Variants in AGAP3 observed in about 807,000 individuals in gnomAD.
AGAP3 encodes the protein arf-GAP with GTPase, ANK repeat and PH domain-containing protein 3.
Under a neutral mutation model 96.9 loss-of-function variants are expected in AGAP3, and 24 were observed. That is an observed-to-expected ratio of 0.25 (90% confidence interval 0.18 to 0.35). The LOEUF (loss-of-function observed/expected upper bound fraction) is 0.35. Among genes scored for constraint, AGAP3 ranks in the 10% least tolerant of loss-of-function variants. The pLI is 1.00. For synonymous variants in AGAP3, 563 were observed against 536.1 expected, an observed-to-expected ratio of 1.05 and a Z score of -0.69; for missense variants, 876 against 1,254.2, an observed-to-expected ratio of 0.70 and a Z score of 4.55.
At chr7:151,122,219 G>T (rs964379464) in intron 8 of AGAP3, among the ~76,000 whole-genome samples, 3 of 152,224 alleles carry the variant, frequency 2.0e-5, no homozygotes, top group African/African-American at 7.2e-5. Flanking sequence ...GAGGGCTGTG[G>T]CGGTCTGGGC....
At position 151,115,108 on chromosome 7, in the gene AGAP3, G is replaced by A. The variant is rs1422324606; in HGVS notation, c.332-1685G>A. The A allele has an allele frequency of 1.3e-5, 13 of 1,031,204 alleles. No homozygotes were observed. The Admixed American group carries it at 4.6e-4, about 36-fold the overall frequency. 63.9% of individuals were successfully genotyped at this position (1,031,204 alleles called of 1,614,324 possible). On this transcript the variant is annotated intron_variant, in intron 1 of 17. Transcript: ENST00000397238. ...AGCCCCGCGCCGACCCGGCGCAGCC[G>A]CACCCGCGGGGAGCCGACTCCGCGG...
Position 151,128,333 on chromosome 7 carries a change from C to T in AGAP3, c.1222-247C>T, listed in dbSNP as rs146597994. The T allele has an allele frequency of 9.9e-4, 492 of 498,108 alleles. 2 individuals carry two copies. Among genetic ancestry groups the T allele is most frequent in the African/African-American group, 8.6e-3 (446 of 51,750 alleles). The allele number at this position is 498,108 out of a possible 1,614,324, so 30.9% of individuals were successfully genotyped here. On this transcript the variant is annotated intron_variant, in intron 9 of 17. Transcript: ENST00000397238. ...GGCTCCACACACTGGGGAGGGAAGA[C>T]GCCCACCTGCCGGAACAGCGGTCCA...
chr7:151,106,837 C>CT, intron 1 of AGAP3, among the ~76,000 whole-genome samples: 1 of 152,230 alleles, frequency 6.6e-6, no homozygotes, highest in Middle Eastern at 3.4e-3. Context: ...CTCAGCCTGT[C>CT]TGAATCTTTT....
intron 8 of AGAP3, chr7:151,120,929 C>T (rs1172905800): frequency 1.1e-6 from 1 of 950,838 alleles, no homozygotes; most frequent in Admixed American, 5.4e-5. Flanking sequence ...TCCAGCCGGG[C>T]TTGGCTGGAT....
intron 1 of AGAP3, among the ~76,000 whole-genome samples, chr7:151,109,037 T>C (rs113776049): frequency 0.042 from 6,397 of 152,036 alleles, 236 homozygotes; most frequent in African/African-American, 0.089. Context: ...ACAACCTAAG[T>C]CTGTTCCTAG....
rs1798152518 is a variant in AGAP3, at chr7:151,086,587, C to T, written c.-155C>T. On this transcript the variant is annotated 5_prime_UTR_variant, in exon 1 of 18. Coordinates refer to ENST00000397238, the MANE Select transcript of AGAP3 (RefSeq NM_031946.7). ...GCCTCCTGGCCTCGGCCTCCGGCCC[C>T]CGGCCCCCGGCTCCATGCGCTAGCC... Among the ~76,000 whole-genome samples, 2 of 146,974 alleles carry T rather than the reference C, an allele frequency of 1.4e-5. No individual in the cohort carries two copies. Among genetic ancestry groups the T allele is most frequent in the Admixed American group, 1.4e-4 (2 of 14,768 alleles).
rs558303641 is a variant in AGAP3, at chr7:151,120,420, C to T, written c.1128+275C>T. ...CTGCCGCACACACTCACCCTCCCCG[C>T]CGCCTTCCTCTCTCCTAGGCCCCTT... On this transcript the variant is annotated intron_variant, in intron 8 of 17. Transcript: ENST00000397238. 238 of 674,454 alleles carry T rather than the reference C, an allele frequency of 3.5e-4. No individual in the cohort carries two copies. The East Asian group carries it at 6.4e-3, about 18-fold the overall frequency. 41.8% of individuals were successfully genotyped at this position (674,454 alleles called of 1,614,324 possible). A position where few individuals can be genotyped will look rare whatever the true frequency, so the allele number is the denominator to read the frequency against.
intron 9 of AGAP3, among the ~76,000 whole-genome samples, chr7:151,126,945 C>T (rs1404830815): frequency 6.6e-6 from 1 of 152,218 alleles, no homozygotes; most frequent in Non-Finnish European, 1.5e-5. Flanking sequence ...GCACCTCCAG[C>T]AATGGCATTT....
chr7:151,090,115 A>G lies in AGAP3; in HGVS notation c.331+3043A>G, dbSNP rs1327278088. On this transcript the variant is annotated intron_variant, in intron 1 of 17. Coordinates refer to ENST00000397238, the MANE Select transcript of AGAP3 (RefSeq NM_031946.7). ...TGTACCAAGCTAGCCAGGAGCCCCA[A>G]AGGAGCCCGGGATCTTTCCAGGACC... 6 of 152,224 alleles carry G rather than the reference A, an allele frequency of 3.9e-5. No homozygotes were observed. The South Asian group carries it at 6.2e-4, about 16-fold the overall frequency. The allele number at this position is 152,224 out of a possible 1,614,324, so 9.4% of individuals were successfully genotyped here. A position where few individuals can be genotyped will look rare whatever the true frequency, so the allele number is the denominator to read the frequency against.
At chr7:151,087,344 T>G (rs946244950) in intron 1 of AGAP3, 41 of 451,196 alleles carry the variant, frequency 9.1e-5, no homozygotes, top group African/African-American at 2.8e-4. Flanking sequence ...ACCAGATCTG[T>G]CCAGGCCTGG....
rs1800658656 is a variant in AGAP3, at chr7:151,137,789, G to A, written c.1496-354G>A. ...ATGTGGACTAGAATGGAGGGTGCAG[G>A]GGCCCAAGCCAGGAGGGGCCCCTCA... is the stretch of plus-strand genomic sequence containing the variant. On this transcript the variant is annotated intron_variant, in intron 11 of 17. Transcript: ENST00000397238. 5 of 334,500 alleles carry A rather than the reference G, an allele frequency of 1.5e-5. No individual in the cohort carries two copies. The Admixed American group carries it at 1.9e-4, about 12-fold the overall frequency. The allele number at this position is 334,500 out of a possible 1,614,324, so 20.7% of individuals were successfully genotyped here.
Position 151,140,220 on chromosome 7 carries a change from A to C in AGAP3, c.1804+104A>C. On this transcript the variant is annotated intron_variant, in intron 13 of 17. Transcript: ENST00000397238. The surrounding 1 kb of genome is among the most constrained non-coding windows in gnomAD (Gnocchi z 5.4). The stretch of plus-strand genomic sequence containing the variant: ...ATTTTTTATTTTTTGTATTCAGTGG[A>C]TTAAGCACTTTCTAGTAGTTGCTAA... The C allele has an allele frequency of 1.6e-6, 2 of 1,269,332 alleles. No homozygotes were observed. The highest frequency in any genetic ancestry group is 2.0e-6 in the Non-Finnish European group (2 of 989,816). The allele number at this position is 1,269,332 out of a possible 1,614,324, so 78.6% of individuals were successfully genotyped here.
At position 151,140,060 on chromosome 7, in the gene AGAP3, G is replaced by C; in HGVS notation, c.1748G>C (p.Arg583Pro). 1 of 1,606,062 alleles carries C rather than the reference G, an allele frequency of 6.2e-7. No homozygotes were observed. The highest frequency in any genetic ancestry group is 8.5e-7 in the Non-Finnish European group (1 of 1,176,696). ...CCCCACTCCAACCGGAAGAAGCACCGGAGGAAAAAGAGCACCGGGACCCCC... is the reference window on the plus strand; with the variant it reads ...CCCCACTCCAACCGGAAGAAGCACCCGAGGAAAAAGAGCACCGGGACCCCC... ...PSPHSNRKKHRRKKSTGTPRP... is the reference protein window; with the variant it reads ...PSPHSNRKKHPRKKSTGTPRP... The change falls in exon 13 of 18, where the codon CGG becomes CCG. Residue 583 changes from arginine (R) to proline (P), a missense_variant. Transcript: ENST00000397238. The surrounding 1 kb of genome is among the most constrained non-coding windows in gnomAD (Gnocchi z 5.4).
chr7:151,116,994 C>A, intron 2 of AGAP3, 101 bp from the exon 3 acceptor site: 2 of 1,474,560 alleles, frequency 1.4e-6, no homozygotes, highest in Non-Finnish European at 1.9e-6. Flanking sequence ...TCCCCTTCAG[C>A]CCTGGCCTTT....
rs1486084420 is a variant in AGAP3, at chr7:151,139,880, C to T, written c.1667-99C>T. On this transcript the variant is annotated intron_variant, in intron 12 of 17. Coordinates refer to ENST00000397238, the MANE Select transcript of AGAP3 (RefSeq NM_031946.7). This position sits in a 1 kb window ranked among gnomAD's most constrained non-coding sequence, Gnocchi z 4.9. ...GGCTCTCCTGAGTGTGGCCCAGCTA[C>T]AGTTGGCAGGACTGGTCCTCTCCTC... The T allele has an allele frequency of 1.2e-5, 14 of 1,186,580 alleles. No individual in the cohort carries two copies. Among genetic ancestry groups the T allele is most frequent in the African/African-American group, 1.6e-5 (1 of 62,570 alleles). 73.5% of individuals were successfully genotyped at this position (1,186,580 alleles called of 1,614,324 possible). A position where few individuals can be genotyped will look rare whatever the true frequency, so the allele number is the denominator to read the frequency against.
rs986377950 is a variant in AGAP3 at position 151,096,558 on chromosome 7, T to C, written c.331+9486T>C. On this transcript the variant is annotated intron_variant, in intron 1 of 17. Transcript: ENST00000397238. The surrounding 1 kb of genome is among the most constrained non-coding windows in gnomAD (Gnocchi z 4.4). ...CGCGATCTCGGCTCACTGCAACCTC[T>C]GCCTCCCAGGTTCACGCCATTCTCC... is the stretch of plus-strand genomic sequence containing the variant. Among the ~76,000 whole-genome samples, 10 of 151,844 alleles carry C rather than the reference T, an allele frequency of 6.6e-5. No individual in the cohort carries two copies. The highest frequency in any genetic ancestry group is 1.2e-4 in the Non-Finnish European group (8 of 67,912).
Position 151,143,480 on chromosome 7 carries a change from C to T in AGAP3, c.2413C>T (p.Leu805=). Residue 805 remains leucine, a synonymous_variant, in exon 17 of 18, where the codon CTG becomes TTG. Coordinates refer to ENST00000397238, the MANE Select transcript of AGAP3 (RefSeq NM_031946.7). This position sits in a 1 kb window ranked among gnomAD's most constrained non-coding sequence, Gnocchi z 5.9. ...TGACCTGCGGCTGTTGGTGATGCTC[C>T]TGGCACATGGCTCCAAAGAGGAGGT... ...EDDLRLLVML[L]AHGSKEEVNE... The T allele has an allele frequency of 6.2e-7, 1 of 1,614,236 alleles. No homozygotes were observed. Among genetic ancestry groups the T allele is most frequent in the Non-Finnish European group, 8.5e-7 (1 of 1,180,050 alleles).
intron 7 of AGAP3, chr7:151,119,122 T>C (rs190418826): frequency 5.2e-6 from 1 of 191,604 alleles, no homozygotes; most frequent in Non-Finnish European, 1.1e-5. Flanking sequence ...AGGAGGGCTG[T>C]GTCCTTCTTA....
chr7:151,116,861 G>C lies in AGAP3; in HGVS notation c.390+10G>C. On this transcript the variant is annotated intron_variant, in intron 2 of 17. Coordinates refer to ENST00000397238, the MANE Select transcript of AGAP3 (RefSeq NM_031946.7). ...ACCGGAGCTTAAAGTGGTGAGTGTG[G>C]CCCATGGGCAGCACCGGCGGCCTGG... 6.2e-7 allele frequency: 1 copy of C among 1,613,810 alleles called. No individual in the cohort carries two copies. The highest frequency in any genetic ancestry group is 8.5e-7 in the Non-Finnish European group (1 of 1,179,902).
Sources: gnomAD v4.1 joint callset for allele counts (sites outside exome capture counted in the v4.1 genomes callset) on GRCh38, gnomAD v4.1.1 for gene constraint, Gnocchi (gnomAD v3.1) non-coding constraint, MANE v1.5 for transcripts, NCBI Gene and HGNC (gene_info 2026-07-23, HGNC 2026-07-21) for gene names.